GRID1: variants seen among roughly 807,000 people sequenced by gnomAD.
GRID1 encodes the protein glutamate receptor ionotropic, delta-1.
In GRID1, 28 loss-of-function variants were observed where a neutral mutation model predicts 98.0. The ratio of observed to expected loss-of-function variants is 0.29; its 90% CI spans 0.21 to 0.39. GRID1 has a LOEUF of 0.39. Ranked by LOEUF, GRID1 falls within the 10% of genes least tolerant of loss-of-function variation. GRID1 has a pLI of 1.00. For synonymous variants in GRID1, 553 were observed against 538.5 expected (o/e 1.03, Z -0.37); for missense variants, 1,111 against 1,340.5 (o/e 0.83, Z 2.67).
intron 6 of GRID1, among the ~76,000 whole-genome samples, chr10:85,866,902 G>A (rs1488441599): frequency 1.3e-5 from 2 of 152,108 alleles, no homozygotes; most frequent in Admixed American, 1.3e-4. Context: ...TTTATGCAAT[G>A]CCTGGGTCTC....
intron 2 of GRID1, among the ~76,000 whole-genome samples, chr10:86,252,849 A>C (rs1202825815): frequency 6.6e-6 from 1 of 152,224 alleles, no homozygotes; most frequent in Non-Finnish European, 1.5e-5. Context: ...TGAGTCTCCA[A>C]GCAAAGTCAT....
intron 13 of GRID1, among the ~76,000 whole-genome samples, chr10:85,621,039 GAAC>G (rs1842853328): frequency 6.6e-6 from 1 of 152,160 alleles, no homozygotes; most frequent in Non-Finnish European, 1.5e-5. Context: ...CTTCTATCCT[GAAC>G]AACAATTCTA....
chr10:85,862,181 T>C (rs1213487518), intron 6 of GRID1, among the ~76,000 whole-genome samples: 2 of 152,192 alleles, frequency 1.3e-5, no homozygotes, highest in African/African-American at 4.8e-5. Flanking sequence ...AACATGGAAA[T>C]TAAAATTCCT....
At position 85,922,076 on chromosome 10, in the gene GRID1, C is replaced by T. The variant is rs966827643; in HGVS notation, c.727-5837G>A. On this transcript the variant is annotated intron_variant, in intron 4 of 15. Transcript: ENST00000327946. Reference sequence around the variant, plus strand: ...AGGTTAGATTTGAACTACGGCCCAACTGTCTCCAAAGCCTGTGTTCTTTCC... The same window carrying T: ...AGGTTAGATTTGAACTACGGCCCAATTGTCTCCAAAGCCTGTGTTCTTTCC... Among the ~76,000 whole-genome samples the T allele has an allele frequency of 3.3e-5, 5 of 152,224 alleles. No homozygotes were observed. In the East Asian group the frequency reaches 9.6e-4, roughly 29 times the overall value.
chr10:85,871,687 T>C (rs1200543224), intron 5 of GRID1, among the ~76,000 whole-genome samples: 1 of 152,174 alleles, frequency 6.6e-6, no homozygotes, highest in East Asian at 1.9e-4. Context: ...AACAAGAACA[T>C]AACATTTTTA....
chr10:85,778,462 A>C (rs1842352261), intron 8 of GRID1, among the ~76,000 whole-genome samples: 1 of 152,160 alleles, frequency 6.6e-6, no homozygotes, highest in Non-Finnish European at 1.5e-5. Context: ...AAAATAATTC[A>C]TTGTGCTTCC....
chr10:85,863,704 C>G (rs1054883837), intron 6 of GRID1, among the ~76,000 whole-genome samples: 1 of 152,198 alleles, frequency 6.6e-6, no homozygotes, highest in Non-Finnish European at 1.5e-5. Context: ...CTGCCCCTAT[C>G]AGTGGGGGAG....
chr10:86,260,309 G>A (rs990940102), intron 2 of GRID1, among the ~76,000 whole-genome samples: 3 of 152,228 alleles, frequency 2.0e-5, no homozygotes, highest in African/African-American at 7.2e-5. Context: ...GCACGTACCA[G>A]TAACACCTTC....
intron 2 of GRID1, among the ~76,000 whole-genome samples, chr10:86,296,107 G>A (rs747579154): frequency 4.6e-5 from 7 of 152,234 alleles, no homozygotes; most frequent in Non-Finnish European, 1.0e-4. Flanking sequence ...CACCATGGCT[G>A]GCAGCCACAG....
intron 6 of GRID1, among the ~76,000 whole-genome samples, chr10:85,865,963 A>ATATATG (rs1564613333): frequency 6.2e-4 from 4 of 6,454 alleles, no homozygotes; most frequent in Admixed American, 1.2e-3. Flanking sequence ...ATGGAGAGAG[A>ATATATG]GAGAGAGAGA....
At chr10:85,664,418 A>G (rs1319293113) in intron 12 of GRID1, among the ~76,000 whole-genome samples, 2 of 152,284 alleles carry the variant, frequency 1.3e-5, no homozygotes. Flanking sequence ...TTCCCTTAGA[A>G]TCAGAGAATT....
At chr10:85,810,741 C>T (rs1791273001) in intron 8 of GRID1, among the ~76,000 whole-genome samples, 1 of 152,152 alleles carries the variant, frequency 6.6e-6, no homozygotes, top group South Asian at 2.1e-4. Context: ...TGGACCTGCC[C>T]CAGGCAGACA....
intron 8 of GRID1, among the ~76,000 whole-genome samples, chr10:85,769,720 TGCTAACAAA>T (rs1842237033): frequency 6.6e-6 from 1 of 152,194 alleles, no homozygotes; most frequent in Admixed American, 6.5e-5. Flanking sequence ...TCTCGCTGAT[TGCTAACAAA>T]GCAGTCTGAG....
chr10:85,605,205 G>A (rs1842643086), intron 15 of GRID1, among the ~76,000 whole-genome samples: 1 of 152,216 alleles, frequency 6.6e-6, no homozygotes, highest in South Asian at 2.1e-4. Context: ...TGTGGATACA[G>A]TGTCATCTGT....
intron 2 of GRID1, among the ~76,000 whole-genome samples, chr10:86,249,723 A>G (rs1249125281): frequency 6.6e-6 from 1 of 152,214 alleles, no homozygotes; most frequent in Non-Finnish European, 1.5e-5. Context: ...GCTAATGCTC[A>G]GATGGCCTTC....
intron 3 of GRID1, among the ~76,000 whole-genome samples, chr10:86,177,444 G>A (rs895010703): frequency 3.3e-5 from 5 of 151,894 alleles, no homozygotes; most frequent in African/African-American, 1.2e-4. Context: ...TGTATGGGGG[G>A]GTGGGTGCAT....
At chr10:86,356,922 TG>T (rs1467257804) in intron 2 of GRID1, among the ~76,000 whole-genome samples, 2 of 152,212 alleles carry the variant, frequency 1.3e-5, no homozygotes, top group African/African-American at 4.8e-5. Flanking sequence ...ACAGCTGCTA[TG>T]AGGACAAAGC....
In GRID1 at chr10:86,192,213, G is replaced by A. The variant is rs567789621; in HGVS notation, c.520+14151C>T. Among the ~76,000 whole-genome samples, 1 of 152,058 alleles carries A rather than the reference G, an allele frequency of 6.6e-6. No homozygotes were observed. The highest frequency in any genetic ancestry group is 1.5e-5 in the Non-Finnish European group (1 of 68,022). On this transcript the variant is annotated intron_variant, in intron 3 of 15. Transcript: ENST00000327946. This position sits in a 1 kb window ranked among gnomAD's most constrained non-coding sequence, Gnocchi z 4.8. ...ACCTGCGCACACACACACACATGGA[G>A]GCTCCAAGAGACGACATTCCTCTCC...
intron 8 of GRID1, among the ~76,000 whole-genome samples, chr10:85,751,481 C>T (rs1842045256): frequency 6.6e-6 from 1 of 152,066 alleles, no homozygotes; most frequent in Admixed American, 6.6e-5. Flanking sequence ...TGAGATAGCC[C>T]TCATCACATC....
Sources: gnomAD v4.1 joint callset for allele counts (sites outside exome capture counted in the v4.1 genomes callset) on GRCh38, gnomAD v4.1.1 for gene constraint, Gnocchi (gnomAD v3.1) non-coding constraint, MANE v1.5 for transcripts, NCBI Gene and HGNC (gene_info 2026-07-23, HGNC 2026-07-21) for gene names.